Variants in LOC128092252 observed in about 807,000 individuals in gnomAD.
the LOC128092252 span, chr15:50,686,673 A>C: frequency 8.7e-7 from 1 of 1,154,614 alleles, no homozygotes; most frequent in Non-Finnish European, 1.2e-6. Context: ...ACCTTCTCAG[A>C]ACTAACTCAG....
the LOC128092252 span, among the ~76,000 whole-genome samples, chr15:50,653,267 A>C: frequency 6.6e-6 from 1 of 152,238 alleles, no homozygotes; most frequent in African/African-American, 2.4e-5. Context: ...CCTTGGCAAT[A>C]TAGTGAGACC....
chr15:50,655,454 A>AC, the LOC128092252 span, among the ~76,000 whole-genome samples: 10 of 144,268 alleles, frequency 6.9e-5, no homozygotes, highest in African/African-American at 2.5e-4. Context: ...AAAACAAAAA[A>AC]ACAAAAAACC....
chr15:50,648,972 A>C, the LOC128092252 span: 1 of 982,062 alleles, frequency 1.0e-6, no homozygotes, highest in Non-Finnish European at 1.4e-6. Flanking sequence ...ACCGACAAAT[A>C]TAAGCTTTAA....
chr15:50,675,986 A>T, the LOC128092252 span, among the ~76,000 whole-genome samples: 6 of 152,322 alleles, frequency 3.9e-5, no homozygotes, highest in Admixed American at 1.3e-4. Context: ...AAAATAGGAT[A>T]ACAACAGTAC....
the LOC128092252 span, among the ~76,000 whole-genome samples, chr15:50,686,256 C>A: frequency 6.6e-6 from 1 of 152,348 alleles, no homozygotes; most frequent in East Asian, 1.9e-4. Flanking sequence ...GGGCTCGCGC[C>A]TCTGCCGCCT....
the LOC128092252 span, chr15:50,663,049 AAAAC>A: frequency 2.5e-6 from 4 of 1,609,518 alleles, no homozygotes; most frequent in Non-Finnish European, 3.4e-6. Flanking sequence ...TTCTGGGACT[AAAAC>A]AAAATGTTTT....
At chr15:50,664,024 G>A in the LOC128092252 span, among the ~76,000 whole-genome samples, 1 of 152,008 alleles carries the variant, frequency 6.6e-6, no homozygotes, top group Non-Finnish European at 1.5e-5. Flanking sequence ...ATTTGGCCGC[G>A]TGCGGTGGCT....
chr15:50,676,119 A>G, the LOC128092252 span, among the ~76,000 whole-genome samples: 1 of 152,168 alleles, frequency 6.6e-6, no homozygotes, highest in Non-Finnish European at 1.5e-5. Context: ...CTTAAATTAT[A>G]AATTCTTACA....
At chr15:50,684,498 G>A in the LOC128092252 span, among the ~76,000 whole-genome samples, 5 of 151,888 alleles carry the variant, frequency 3.3e-5, no homozygotes, top group East Asian at 1.9e-4. Context: ...AAAATTAGCC[G>A]GGTGTGGTGG....
At chr15:50,662,815 T>G in the LOC128092252 span, 1 of 665,694 alleles carries the variant, frequency 1.5e-6, no homozygotes, top group Non-Finnish European at 2.6e-6. Flanking sequence ...CTCCTCCCAA[T>G]CCCTCCCAAA....
At chr15:50,685,242 C>G in the LOC128092252 span, among the ~76,000 whole-genome samples, 8 of 152,292 alleles carry the variant, frequency 5.3e-5, no homozygotes, top group African/African-American at 1.9e-4. Flanking sequence ...GCGGGCGGAT[C>G]ACCTGAGGTC....
chr15:50,680,278 T>C, the LOC128092252 span, among the ~76,000 whole-genome samples: 1 of 151,916 alleles, frequency 6.6e-6, no homozygotes, highest in Non-Finnish European at 1.5e-5. Context: ...TACAGACTAA[T>C]GCGTGTAATC....
the LOC128092252 span, among the ~76,000 whole-genome samples, chr15:50,652,028 G>T: frequency 6.6e-6 from 1 of 151,400 alleles, no homozygotes; most frequent in South Asian, 2.1e-4. Context: ...CAGAAGAAAA[G>T]ATATGATAAA....
At chr15:50,657,284 A>G in the LOC128092252 span, among the ~76,000 whole-genome samples, 8 of 152,224 alleles carry the variant, frequency 5.3e-5, no homozygotes, top group Non-Finnish European at 1.0e-4. Context: ...AGATTGTGCC[A>G]CTGCACTCCA....
chr15:50,649,839 G>A, the LOC128092252 span, among the ~76,000 whole-genome samples: 1 of 152,098 alleles, frequency 6.6e-6, no homozygotes. Flanking sequence ...AACAAAAAGA[G>A]GAGGGAGCTA....
At chr15:50,649,763 G>T in the LOC128092252 span, among the ~76,000 whole-genome samples, 1 of 152,150 alleles carries the variant, frequency 6.6e-6, no homozygotes, top group Non-Finnish European at 1.5e-5. Flanking sequence ...TCATTGATTT[G>T]ATATAATCTT....
At chr15:50,654,550 A>C in the LOC128092252 span, among the ~76,000 whole-genome samples, 1 of 151,308 alleles carries the variant, frequency 6.6e-6, no homozygotes, top group Non-Finnish European at 1.5e-5. Context: ...GTAGACAAAG[A>C]CTCTAATGCA....
the LOC128092252 span, among the ~76,000 whole-genome samples, chr15:50,670,303 T>C: frequency 1.3e-5 from 2 of 152,008 alleles, no homozygotes; most frequent in South Asian, 2.1e-4. Flanking sequence ...CTGAGTAAAA[T>C]AAGGCTGAGA....
the LOC128092252 span, chr15:50,686,467 G>A: frequency 6.2e-7 from 1 of 1,613,870 alleles, no homozygotes; most frequent in Non-Finnish European, 8.5e-7. Context: ...TGCCTGCCAA[G>A]TCTCTCCTTT....
Sources: allele counts gnomAD v4.1 joint callset (sites outside exome capture counted in the v4.1 genomes callset), GRCh38; gene constraint gnomAD v4.1.1; transcripts MANE v1.5.